The following GALNT14 variants were observed in gnomAD, a reference collection of about 807,000 sequenced individuals.
GALNT14 encodes the protein polypeptide N-acetylgalactosaminyltransferase 14.
In GALNT14, 60 loss-of-function variants were observed where a neutral mutation model predicts 77.5. The ratio of observed to expected loss-of-function variants is 0.77; its 90% CI spans 0.63 to 0.96. The LOEUF is 0.96. GALNT14 is among the 40% of genes least tolerant of loss of function. GALNT14 has a pLI of 0.00. For missense variants in GALNT14, 710 were observed against 731.0 expected (o/e 0.97, Z 0.33); for synonymous variants, 280 against 281.7 (o/e 0.99, Z 0.06).
At chr2:31,124,583 T>C (rs1573383425) in intron 1 of GALNT14, among the ~76,000 whole-genome samples, 2 of 152,000 alleles carry the variant, frequency 1.3e-5, no homozygotes, top group South Asian at 4.1e-4. Context: ...AAAGAGAAAA[T>C]GTTAACAATT....
chr2:31,035,560 T>TGTGTGC (rs1384611569), intron 1 of GALNT14, among the ~76,000 whole-genome samples: 1 of 137,752 alleles, frequency 7.3e-6, no homozygotes, highest in Non-Finnish European at 1.5e-5. Flanking sequence ...AAAATGTGTG[T>TGTGTGC]GTGTGTGTAT....
At chr2:31,095,190 G>C (rs542244731) in intron 1 of GALNT14, among the ~76,000 whole-genome samples, 1 of 152,172 alleles carries the variant, frequency 6.6e-6, no homozygotes, top group Non-Finnish European at 1.5e-5. Flanking sequence ...AATCTTGATA[G>C]AGATTTGTTG....
At chr2:31,064,103 A>G (rs1222492106) in intron 1 of GALNT14, among the ~76,000 whole-genome samples, 1 of 151,070 alleles carries the variant, frequency 6.6e-6, no homozygotes, top group African/African-American at 2.4e-5. Context: ...CAGAGTAGAC[A>G]TCACATCTAG....
intron 1 of GALNT14, among the ~76,000 whole-genome samples, chr2:31,025,583 CAGGTGGAAGG>C (rs1671994351): frequency 6.6e-6 from 1 of 152,112 alleles, no homozygotes; most frequent in South Asian, 2.1e-4. Context: ...CAACCAGATA[CAGGTGGAAGG>C]AGGTGGAAGA....
intron 1 of GALNT14, among the ~76,000 whole-genome samples, chr2:31,091,695 C>T (rs1397414178): frequency 6.6e-6 from 1 of 152,208 alleles, no homozygotes; most frequent in Non-Finnish European, 1.5e-5. Flanking sequence ...GGTTTGCTCT[C>T]TGATTCACAG....
intron 3 of GALNT14, among the ~76,000 whole-genome samples, chr2:30,962,200 CT>C (rs1222574420): frequency 1.3e-5 from 2 of 152,182 alleles, no homozygotes; most frequent in Non-Finnish European, 2.9e-5. Context: ...TCTGAAATTA[CT>C]TTGTCTTCTC....
intron 1 of GALNT14, among the ~76,000 whole-genome samples, chr2:31,046,927 G>A (rs888104303): frequency 6.6e-6 from 1 of 152,120 alleles, no homozygotes; most frequent in Non-Finnish European, 1.5e-5. Flanking sequence ...CTACAAGCGA[G>A]GCAACACAGA....
In GALNT14 at chr2:30,929,407, C is replaced by T; in HGVS notation, c.1139G>A (p.Arg380Lys). 6.2e-7 allele frequency: 1 copy of T among 1,613,924 alleles called. No individual in the cohort carries two copies. The highest frequency in any genetic ancestry group is 1.7e-4 in the Middle Eastern group (1 of 6,034). Reference sequence around the variant, plus strand: ...AAGGGACACTTACTTCCCGAAGGGCCTCTCCAGGGCGAATGGCCGGGCAGC... The same window carrying T: ...AAGGGACACTTACTTCCCGAAGGGCTTCTCCAGGGCGAATGGCCGGGCAGC... ...YYAARPFALE[R>K]PFGNVESRLD... Residue 380 changes from arginine (R) to lysine (K), a missense_variant, in exon 11 of 15, where the codon AGG becomes AAG. Coordinates refer to ENST00000349752, the MANE Select transcript of GALNT14 (RefSeq NM_024572.4).
chr2:31,029,018 T>C lies in GALNT14; in HGVS notation c.130-36011A>G, dbSNP rs141558376. 1.6e-4 allele frequency among the ~76,000 whole-genome samples: 25 copies of C among 152,254 alleles called. No homozygotes were observed. In the East Asian group the frequency reaches 4.8e-3, roughly 29 times the overall value. The stretch of plus-strand genomic sequence containing the variant: ...AGTTCTCAGGTGCTCTTCCCTATGC[T>C]CAATTCTCTGGGGGTTGCTCCCTGA... On this transcript the variant is annotated intron_variant, in intron 1 of 14. Coordinates refer to ENST00000349752, the MANE Select transcript of GALNT14 (RefSeq NM_024572.4).
intron 13 of GALNT14, among the ~76,000 whole-genome samples, chr2:30,912,558 G>C (rs1240277341): frequency 2.0e-5 from 3 of 152,216 alleles, no homozygotes; most frequent in Non-Finnish European, 4.4e-5. Flanking sequence ...CCCCATGAAG[G>C]GGCCTGGGCC....
intron 2 of GALNT14, among the ~76,000 whole-genome samples, chr2:30,983,310 G>GTT (rs112190929): frequency 1.3e-5 from 2 of 151,386 alleles, no homozygotes; most frequent in East Asian, 3.9e-4. Context: ...CTTTCAGTCT[G>GTT]TTTTTTTTGT....
At chr2:31,102,404 A>G (rs528741781) in intron 1 of GALNT14, among the ~76,000 whole-genome samples, 1 of 152,012 alleles carries the variant, frequency 6.6e-6, no homozygotes, top group Non-Finnish European at 1.5e-5. Flanking sequence ...TTCCTCTTTC[A>G]GCCATGCATT....
intron 9 of GALNT14, among the ~76,000 whole-genome samples, chr2:30,938,746 G>A (rs562089741): frequency 6.6e-6 from 1 of 152,310 alleles, no homozygotes; most frequent in Admixed American, 6.5e-5. Context: ...AACCAAGATG[G>A]GGTAGGGCAA....
chr2:31,015,719 C>T (rs1035415988), intron 1 of GALNT14, among the ~76,000 whole-genome samples: 5 of 152,184 alleles, frequency 3.3e-5, no homozygotes, highest in Non-Finnish European at 5.9e-5. Flanking sequence ...GCCAAAAACA[C>T]GTAGCTTCAG....
intron 9 of GALNT14, among the ~76,000 whole-genome samples, chr2:30,940,463 G>T (rs1379312321): frequency 6.6e-6 from 1 of 152,206 alleles, no homozygotes; most frequent in African/African-American, 2.4e-5. Context: ...TGACTTAGAA[G>T]AATTCTCTAA....
chr2:30,898,487 C>T, the GALNT14 span, among the ~76,000 whole-genome samples: 67 of 152,238 alleles, frequency 4.4e-4, 1 homozygote, highest in East Asian at 6.2e-3. Context: ...ATCAATCTCA[C>T]GGTAAAATTA....
chr2:30,990,945 C>A (rs895537752), intron 2 of GALNT14, among the ~76,000 whole-genome samples: 3 of 152,204 alleles, frequency 2.0e-5, no homozygotes, highest in African/African-American at 7.2e-5. Context: ...ACAGACGGAA[C>A]ACACTGGGCT....
At chr2:30,973,896 T>A (rs1668496056) in intron 2 of GALNT14, among the ~76,000 whole-genome samples, 1 of 152,208 alleles carries the variant, frequency 6.6e-6, no homozygotes. Flanking sequence ...ATCACCACCT[T>A]TGAAGTGCTG....
intron 1 of GALNT14, among the ~76,000 whole-genome samples, chr2:31,037,232 CTCTT>C: frequency 6.6e-6 from 1 of 152,266 alleles, no homozygotes; most frequent in South Asian, 2.1e-4. Context: ...AGTTTATTGA[CTCTT>C]TCTTCTGTCA....
Sources: gnomAD v4.1 joint callset for allele counts (sites outside exome capture counted in the v4.1 genomes callset) on GRCh38, gnomAD v4.1.1 for gene constraint, MANE v1.5 for transcripts, NCBI Gene and HGNC (gene_info 2026-07-23, HGNC 2026-07-21) for gene names.